The following IL18R1 variants were observed in gnomAD, a reference collection of about 807,000 sequenced individuals.
IL18R1 encodes interleukin-18 receptor 1.
Under a neutral mutation model 48.5 loss-of-function variants are expected in IL18R1, and 40 were observed. The ratio of observed to expected loss-of-function variants is 0.82; its 90% confidence interval spans 0.64 to 1.07. The LOEUF (loss-of-function observed/expected upper bound fraction) is 1.07, where lower values mean the gene tolerates loss of function less well. Among genes scored for constraint, IL18R1 ranks in the 50% least tolerant of loss-of-function variants. The probability of loss-of-function intolerance (pLI) is 0.00; values close to 1 mark genes in which losing one functional copy is unlikely to be tolerated. For synonymous variants in IL18R1, 232 were observed against 225.9 expected (o/e 1.03, Z -0.24); for missense variants, 596 against 633.7 (o/e 0.94, Z 0.64).
chr2:102,366,025 T>C lies in IL18R1; in HGVS notation c.59-1800T>C, dbSNP rs142366854. Among the ~76,000 whole-genome samples the C allele has an allele frequency of 6.4e-3, 968 of 152,302 alleles. 10 individuals are homozygous for C. The highest frequency in any genetic ancestry group is 0.022 in the African/African-American group (925 of 41,556). The stretch of plus-strand genomic sequence containing the variant: ...GGGTCTCTCATGAAGATCTCTGACA[T>C]ACCCTAGAGGCATTTTTCCCCTTGT... On this transcript the variant is annotated intron_variant, in intron 2 of 10. Coordinates refer to ENST00000233957, the MANE Select transcript of IL18R1 (RefSeq NM_003855.5).
intron 9 of IL18R1, 116 bp downstream of exon 9, chr2:102,390,333 T>TTTTC (rs1680492755): frequency 2.1e-6 from 2 of 931,160 alleles, no homozygotes; most frequent in Non-Finnish European, 3.3e-6. Context: ...GTGGGAGAGG[T>TTTTC]TTTCTATGGG....
chr2:102,359,160 T>C (rs867541663), intron 1 of IL18R1, among the ~76,000 whole-genome samples: 2 of 152,294 alleles, frequency 1.3e-5, no homozygotes, highest in African/African-American at 4.8e-5. Context: ...AATACAGGAT[T>C]ATTTAATTAA....
intron 5 of IL18R1, among the ~76,000 whole-genome samples, chr2:102,376,287 C>T (rs1038283351): frequency 6.6e-6 from 1 of 152,194 alleles, no homozygotes; most frequent in Non-Finnish European, 1.5e-5. Flanking sequence ...ATAAACCTCA[C>T]ATGAGTCAGC....
intron 4 of IL18R1, among the ~76,000 whole-genome samples, chr2:102,373,206 GT>G (rs1679371227): frequency 6.6e-6 from 1 of 151,738 alleles, no homozygotes; most frequent in Admixed American, 6.6e-5. Context: ...ATTTTTTTCT[GT>G]TTTCTTCAGT....
At chr2:102,384,620 C>T (rs1473497419) in intron 6 of IL18R1, among the ~76,000 whole-genome samples, 2 of 152,150 alleles carry the variant, frequency 1.3e-5, no homozygotes, top group African/African-American at 4.8e-5. Flanking sequence ...GTACACTGAT[C>T]ACTCTAAGTT....
At chr2:102,393,796 G>A (rs2105131512) in intron 9 of IL18R1, among the ~76,000 whole-genome samples, 1 of 152,256 alleles carries the variant, frequency 6.6e-6, no homozygotes, top group South Asian at 2.1e-4. Flanking sequence ...TTTAGGACCT[G>A]ACTCAAAATT....
intron 2 of IL18R1, among the ~76,000 whole-genome samples, chr2:102,365,484 G>C (rs968429662): frequency 6.6e-6 from 1 of 152,160 alleles, no homozygotes; most frequent in African/African-American, 2.4e-5. Flanking sequence ...TTTCTTCCTG[G>C]TTTCTTTCAT....
Position 102,362,700 on chromosome 2 carries a change from A to G in IL18R1, c.40A>G (p.Ile14Val). The change falls in exon 2 of 11, where the codon ATA becomes GTA. Residue 14 changes from isoleucine to valine, a missense_variant. Ile to Val is a conservative substitution (Grantham distance 29, BLOSUM62 3). Around this residue, in one of 3 missense-constraint regions of IL18R1, gnomAD observed 360 missense variants for 339.4 expected, o/e 1.06. Transcript: ENST00000233957. Reference sequence around the variant, plus strand: ...ATTACCCTTGACCCTTTGGGTGCTTATATCTGTAAGCACTGCAGGTAAGTG... The same window carrying G: ...ATTACCCTTGACCCTTTGGGTGCTTGTATCTGTAAGCACTGCAGGTAAGTG... ...RELPLTLWVLISVSTAESCTS... is the reference protein window; with the variant it reads ...RELPLTLWVLVSVSTAESCTS... The G allele has an allele frequency of 1.9e-6, 3 of 1,601,342 alleles. No individual in the cohort carries two copies. The highest frequency in any genetic ancestry group is 2.6e-6 in the Non-Finnish European group (3 of 1,171,870).
rs182156814 is a variant in IL18R1, at chr2:102,394,773, T to C, written c.1270+146T>C. On this transcript the variant is annotated intron_variant, in intron 10 of 10. Coordinates refer to ENST00000233957, the MANE Select transcript of IL18R1 (RefSeq NM_003855.5). Reference sequence around the variant, plus strand: ...AAGAAATAACCACGTAAGTCAACAATCGATAGTGAGAAAACAAACTAATGA... The same window carrying C: ...AAGAAATAACCACGTAAGTCAACAACCGATAGTGAGAAAACAAACTAATGA... 8.8e-4 allele frequency: 489 copies of C among 555,546 alleles called. 3 individuals are homozygous for C. The highest frequency in any genetic ancestry group is 8.2e-3 in the African/African-American group (433 of 52,922). 34.4% of individuals were successfully genotyped at this position (555,546 alleles called of 1,614,324 possible). A position where few individuals can be genotyped will look rare whatever the true frequency, so the allele number is the denominator to read the frequency against.
rs1455992374 is a variant in IL18R1 at position 102,398,743 on chromosome 2, AT to A, written c.*1858del. The A allele has an allele frequency of 1.3e-5, 2 of 152,404 alleles. No individual in the cohort carries two copies. Among genetic ancestry groups the A allele is most frequent in the Non-Finnish European group, 2.9e-5 (2 of 68,050 alleles). The allele number at this position is 152,404 out of a possible 1,614,324, so 9.4% of individuals were successfully genotyped here. ...ACATTAGATGTGTGTTTTAAAATGC[AT>A]AAAACACGTTGAAATACATTAATGA... On this transcript the variant is annotated 3_prime_UTR_variant, in exon 11 of 11. Transcript: ENST00000233957.
At chr2:102,358,450 C>T (rs1397201806) in intron 1 of IL18R1, among the ~76,000 whole-genome samples, 1 of 152,076 alleles carries the variant, frequency 6.6e-6, no homozygotes, top group Non-Finnish European at 1.5e-5. Context: ...AACTTCATGC[C>T]TTTGGGTGAT....
rs1381694383 is a variant in IL18R1, at chr2:102,368,036, G to A, written c.270G>A (p.Leu90=). Residue 90 remains leucine (L), a synonymous_variant, in exon 3 of 11, where the codon TTG becomes TTA. Transcript: ENST00000233957. ...DCVLEFWPVE[L]NDTGSYFFQM... The stretch of plus-strand genomic sequence containing the variant: ...TTTTGGAGTTTTGGCCAGTTGAGTT[G>A]AATGACACAGGATCTTACTTTTTCC... The A allele has an allele frequency of 5.0e-6, 8 of 1,614,190 alleles. No individual in the cohort carries two copies. The highest frequency in any genetic ancestry group is 6.8e-6 in the Non-Finnish European group (8 of 1,180,036).
chr2:102,374,714 G>T (rs11465616), intron 4 of IL18R1, among the ~76,000 whole-genome samples: 357 of 152,024 alleles, frequency 2.3e-3, no homozygotes, highest in African/African-American at 8.3e-3. Context: ...GGAGGCAGAG[G>T]TTGCAGCGAG....
chr2:102,362,782 T>A, intron 2 of IL18R1, 64 bp downstream of exon 2: 1 of 1,064,542 alleles, frequency 9.4e-7, no homozygotes, highest in South Asian at 1.5e-5. Flanking sequence ...GTCAAAGTTT[T>A]TTTTTTTATG....
intron 10 of IL18R1, 66 bp downstream of exon 10, chr2:102,394,693 C>A (rs1559636065): frequency 7.2e-7 from 1 of 1,379,442 alleles, no homozygotes; most frequent in Non-Finnish European, 9.9e-7. Context: ...AATGAGCTAG[C>A]CCCCAGAGAG....
rs1680869298 is a variant in IL18R1 at position 102,397,185 on chromosome 2, G to A, written c.*299G>A. 1 of 281,812 alleles carries A rather than the reference G, an allele frequency of 3.5e-6. No homozygotes were observed. The highest frequency in any genetic ancestry group is 6.4e-5 in the East Asian group (1 of 15,676). The allele number at this position is 281,812 out of a possible 1,614,324, so 17.5% of individuals were successfully genotyped here. A position where few individuals can be genotyped will look rare whatever the true frequency, so the allele number is the denominator to read the frequency against. ...CAATCCCATATTCAGCAAGTGTGAA[G>A]CTGGACGTGATGCAAAATAACCGAT... is the stretch of plus-strand genomic sequence containing the variant. On this transcript the variant is annotated 3_prime_UTR_variant, in exon 11 of 11. Transcript: ENST00000233957.
chr2:102,360,732 G>A (rs1297459625), intron 1 of IL18R1, among the ~76,000 whole-genome samples: 1 of 152,078 alleles, frequency 6.6e-6, no homozygotes, highest in Non-Finnish European at 1.5e-5. Context: ...AAACTTAAGA[G>A]TTACGGAAAA....
intron 8 of IL18R1, among the ~76,000 whole-genome samples, chr2:102,388,415 C>T (rs569670721): frequency 5.9e-5 from 9 of 152,210 alleles, no homozygotes; most frequent in Non-Finnish European, 1.2e-4. Flanking sequence ...AATCTGTGTT[C>T]TTACCTTCTG....
At chr2:102,374,703 G>A (rs11465615) in intron 4 of IL18R1, among the ~76,000 whole-genome samples, 43,040 of 151,744 alleles carry the variant, frequency 0.28, 6,464 homozygotes, top group Middle Eastern at 0.34. Flanking sequence ...ACTTGAACCC[G>A]GGAGGCAGAG....
Sources: allele counts gnomAD v4.1 joint callset (sites outside exome capture counted in the v4.1 genomes callset), GRCh38; gene constraint gnomAD v4.1.1; regional missense constraint gnomAD v4.1.1; transcripts MANE v1.5; gene names NCBI Gene and HGNC (gene_info 2026-07-23, HGNC 2026-07-21).